The following EFNA5 variants were observed in gnomAD, a reference collection of about 807,000 sequenced individuals.
EFNA5 encodes the protein ephrin-A5.
In EFNA5, 5 loss-of-function variants were observed where a neutral mutation model predicts 22.9. The observed-to-expected ratio is 0.22, with a 90% CI of 0.11 to 0.46. The LOEUF (loss-of-function observed/expected upper bound fraction) is 0.46, where lower values mean the gene tolerates loss of function less well. Ranked by LOEUF, EFNA5 falls within the 20% of genes least tolerant of loss-of-function variation. The probability of loss-of-function intolerance (pLI) is 0.99; values close to 1 mark genes in which losing one functional copy is unlikely to be tolerated. For missense variants in EFNA5, 237 were observed against 293.3 expected, an observed-to-expected ratio of 0.81 and a Z score of 1.40; for synonymous variants, 113 against 112.2, an observed-to-expected ratio of 1.01 and a Z score of -0.04.
rs185742199 is a variant in EFNA5 at position 107,529,532 on chromosome 5, T to C, written c.126-102023A>G. 5.9e-5 allele frequency among the ~76,000 whole-genome samples: 9 copies of C among 152,274 alleles called. No homozygotes were observed. The East Asian group carries it at 1.2e-3, about 20-fold the overall frequency. ...CTGGAAATGCATGGGATTTTGACCA[T>C]TGAGAGACAGGAAAAGGCATGGAGG... On this transcript the variant is annotated intron_variant, in intron 1 of 4. Coordinates refer to ENST00000333274, the MANE Select transcript of EFNA5 (RefSeq NM_001962.3).
chr5:107,513,647 G>A (rs1190951150), intron 1 of EFNA5, among the ~76,000 whole-genome samples: 1 of 152,232 alleles, frequency 6.6e-6, no homozygotes, highest in African/African-American at 2.4e-5. Context: ...GACGGGTGCT[G>A]TGGGGCACCA....
At chr5:107,512,662 G>A (rs1333055567) in intron 1 of EFNA5, among the ~76,000 whole-genome samples, 1 of 151,786 alleles carries the variant, frequency 6.6e-6, no homozygotes, top group Non-Finnish European at 1.5e-5. Flanking sequence ...AAGCATATAC[G>A]AGAACTTAAC....
At chr5:107,442,813 G>T (rs1749290306) in intron 1 of EFNA5, among the ~76,000 whole-genome samples, 1 of 150,352 alleles carries the variant, frequency 6.7e-6, no homozygotes, top group African/African-American at 2.4e-5. Context: ...TCTGGATTGG[G>T]ATCAAAACAA....
intron 1 of EFNA5, among the ~76,000 whole-genome samples, chr5:107,456,210 TA>T (rs35037720): frequency 6.6e-6 from 1 of 152,120 alleles, no homozygotes; most frequent in Non-Finnish European, 1.5e-5. Flanking sequence ...TATATCAATC[TA>T]AAGTTAATTT....
intron 1 of EFNA5, among the ~76,000 whole-genome samples, chr5:107,484,296 G>A (rs1029843815): frequency 6.9e-4 from 105 of 152,284 alleles, no homozygotes; most frequent in African/African-American, 2.3e-3. Context: ...GAGAGAGGGC[G>A]CCTGGTTCTC....
intron 1 of EFNA5, among the ~76,000 whole-genome samples, chr5:107,471,583 T>C (rs1193504475): frequency 6.6e-6 from 1 of 152,226 alleles, no homozygotes; most frequent in African/African-American, 2.4e-5. Context: ...TGCTAGTCAG[T>C]TGATGATAGA....
intron 1 of EFNA5, among the ~76,000 whole-genome samples, chr5:107,575,410 A>T (rs1748907797): frequency 6.6e-6 from 1 of 152,284 alleles, no homozygotes; most frequent in African/African-American, 2.4e-5. Context: ...GGAGAAAATT[A>T]TGTCCTCTGA....
At chr5:107,620,670 T>C (rs1257551552) in intron 1 of EFNA5, among the ~76,000 whole-genome samples, 1 of 152,204 alleles carries the variant, frequency 6.6e-6, no homozygotes, top group Non-Finnish European at 1.5e-5. Flanking sequence ...TTAGTGAATA[T>C]TTCTTAAGTA....
At chr5:107,524,988 A>T (rs892791124) in intron 1 of EFNA5, among the ~76,000 whole-genome samples, 10 of 152,204 alleles carry the variant, frequency 6.6e-5, no homozygotes, top group African/African-American at 2.4e-4. Flanking sequence ...ATCATACACA[A>T]ACTGCACTTC....
At chr5:107,553,756 T>A (rs903715134) in intron 1 of EFNA5, among the ~76,000 whole-genome samples, 1 of 152,228 alleles carries the variant, frequency 6.6e-6, no homozygotes, top group Non-Finnish European at 1.5e-5. Context: ...ATTCCTTTTA[T>A]GATTTTCCTT....
rs374302097 is a variant in EFNA5 at position 107,667,474 on chromosome 5, C to T, written c.125+3015G>A. On this transcript the variant is annotated intron_variant, in intron 1 of 4. Transcript: ENST00000333274. ...TGAAACTCCATGTAGAAGATAAACT[C>T]CTACCAGATACACAAGTGACACAAG... Among the ~76,000 whole-genome samples the T allele has an allele frequency of 1.1e-3, 170 of 152,204 alleles. 2 individuals carry two copies. Among genetic ancestry groups the T allele is most frequent in the African/African-American group, 4.0e-3 (165 of 41,548 alleles).
At chr5:107,398,250 G>T (rs1747980687) in intron 2 of EFNA5, among the ~76,000 whole-genome samples, 1 of 151,952 alleles carries the variant, frequency 6.6e-6, no homozygotes, top group Non-Finnish European at 1.5e-5. Context: ...CCTTTCCTTT[G>T]CCTCTCAAAA....
At position 107,668,830 on chromosome 5, in the gene EFNA5, A is replaced by T. The variant is rs1200283246; in HGVS notation, c.125+1659T>A. Among the ~76,000 whole-genome samples, 3 of 152,180 alleles carry T rather than the reference A, an allele frequency of 2.0e-5. No individual in the cohort carries two copies. The South Asian group carries it at 6.2e-4, about 32-fold the overall frequency. On this transcript the variant is annotated intron_variant, in intron 1 of 4. Transcript: ENST00000333274. ...CTCTATTTGTCTTGTCAGCTTTAAT[A>T]AAAGGCATCTCTCCTCTGGCAGGAT...
intron 1 of EFNA5, among the ~76,000 whole-genome samples, chr5:107,542,566 G>A (rs568316084): frequency 5.9e-5 from 9 of 151,822 alleles, no homozygotes; most frequent in African/African-American, 1.7e-4. Context: ...GGGGGGGTGC[G>A]GGGAGGGGGT....
chr5:107,449,519 C>G (rs1025403182), intron 1 of EFNA5, among the ~76,000 whole-genome samples: 30 of 152,030 alleles, frequency 2.0e-4, no homozygotes, highest in Non-Finnish European at 3.2e-4. Context: ...CCCCGCCCCC[C>G]CAACTACACC....
At chr5:107,461,492 G>GA (rs869137407) in intron 1 of EFNA5, among the ~76,000 whole-genome samples, 4 of 151,828 alleles carry the variant, frequency 2.6e-5, no homozygotes, top group Non-Finnish European at 5.9e-5. Context: ...ATAGAGGGGG[G>GA]AAAAAAAGAC....
At chr5:107,569,401 A>ATATATATATTTATGTATATGTGTGTG (rs1561435743) in intron 1 of EFNA5, among the ~76,000 whole-genome samples, 3 of 130,198 alleles carry the variant, frequency 2.3e-5, no homozygotes, top group African/African-American at 7.0e-5. Flanking sequence ...ATATGTGTGT[A>ATATATATATTTATGTATATGTGTGTG]TATATATATA....
In EFNA5 at chr5:107,489,660, A is replaced by ACCC. The variant is rs4011600; in HGVS notation, c.126-62154_126-62152dup. ...TTTTGTGATTGATTTGACCCCACCT[A>ACCC]CCCCCCCCACCAAGATCTAACACTA... On this transcript the variant is annotated intron_variant, in intron 1 of 4. Coordinates refer to ENST00000333274, the MANE Select transcript of EFNA5 (RefSeq NM_001962.3). Among the ~76,000 whole-genome samples the ACCC allele has an allele frequency of 4.1e-3, 581 of 143,262 alleles. 2 individuals are homozygous for ACCC. Among genetic ancestry groups the ACCC allele is most frequent in the African/African-American group, 0.011 (428 of 38,934 alleles). The allele number at this position is 143,262 out of a possible 152,430, so 94.0% of individuals were successfully genotyped here.
At chr5:107,496,107 C>G (rs546696106) in intron 1 of EFNA5, among the ~76,000 whole-genome samples, 1 of 149,694 alleles carries the variant, frequency 6.7e-6, no homozygotes, top group South Asian at 2.1e-4. Flanking sequence ...GGGTGGATCA[C>G]CTGAGGTCAG....
Sources: allele counts gnomAD v4.1 joint callset (sites outside exome capture counted in the v4.1 genomes callset), GRCh38; gene constraint gnomAD v4.1.1; transcripts MANE v1.5; gene names NCBI Gene and HGNC (gene_info 2026-07-23, HGNC 2026-07-21).